The following ASTN2 variants were observed in gnomAD, a reference collection of about 807,000 sequenced individuals.
ASTN2 encodes the protein astrotactin 2.
Under a neutral mutation model 139.8 loss-of-function variants are expected in ASTN2, and 54 were observed. The observed-to-expected ratio is 0.39, with a 90% CI of 0.31 to 0.48. The LOEUF (loss-of-function observed/expected upper bound fraction) is 0.48, where lower values mean the gene tolerates loss of function less well. ASTN2 is among the 20% of genes least tolerant of loss of function. The pLI is 0.95. For missense variants in ASTN2, 1,565 were observed against 1,725.1 expected, an observed-to-expected ratio of 0.91 and a Z score of 1.64; for synonymous variants, 756 against 719.5, an observed-to-expected ratio of 1.05 and a Z score of -0.81.
intron 2 of ASTN2, among the ~76,000 whole-genome samples, chr9:117,254,296 A>G (rs139145817): frequency 6.6e-6 from 1 of 152,294 alleles, no homozygotes; most frequent in Non-Finnish European, 1.5e-5. Context: ...TACCTGCCAG[A>G]CCCAGTTCTA....
intron 13 of ASTN2, among the ~76,000 whole-genome samples, chr9:116,788,598 T>C (rs1371508727): frequency 6.6e-6 from 1 of 152,106 alleles, no homozygotes; most frequent in African/African-American, 2.4e-5. Flanking sequence ...GAGACCCAGT[T>C]ACCTCATTTA....
intron 7 of ASTN2, among the ~76,000 whole-genome samples, chr9:116,989,414 A>G (rs1007808593): frequency 2.0e-5 from 3 of 152,142 alleles, no homozygotes; most frequent in African/African-American, 7.2e-5. Context: ...GAGTGACCTC[A>G]GCCTCAATTG....
chr9:116,564,341 T>G (rs967064836), intron 19 of ASTN2, among the ~76,000 whole-genome samples: 1 of 152,138 alleles, frequency 6.6e-6, no homozygotes, highest in Non-Finnish European at 1.5e-5. Context: ...AATGATGGCA[T>G]GGCAACCCTT....
chr9:116,868,088 G>T (rs1379493660), intron 10 of ASTN2, among the ~76,000 whole-genome samples: 2 of 152,104 alleles, frequency 1.3e-5, no homozygotes, highest in African/African-American at 4.8e-5. Context: ...CTGCCCTGGG[G>T]TATCAGGATA....
intron 11 of ASTN2, among the ~76,000 whole-genome samples, chr9:116,851,043 T>C (rs1475357095): frequency 1.3e-5 from 2 of 152,212 alleles, no homozygotes; most frequent in Admixed American, 6.5e-5. Context: ...TACACAGCAG[T>C]ACTTAGTTGT....
At chr9:116,489,456 C>T (rs1376456279) in intron 19 of ASTN2, among the ~76,000 whole-genome samples, 1 of 152,138 alleles carries the variant, frequency 6.6e-6, no homozygotes, top group Non-Finnish European at 1.5e-5. Flanking sequence ...CCCACCTCAG[C>T]TTCCCAAATA....
intron 10 of ASTN2, among the ~76,000 whole-genome samples, chr9:116,889,082 C>T (rs1466962465): frequency 1.3e-5 from 2 of 152,222 alleles, no homozygotes; most frequent in Non-Finnish European, 2.9e-5. Context: ...CAGGGTTTTG[C>T]CATTTTGGCC....
At chr9:116,632,969 C>A (rs1217310049) in intron 17 of ASTN2, among the ~76,000 whole-genome samples, 1 of 152,140 alleles carries the variant, frequency 6.6e-6, no homozygotes, top group Admixed American at 6.5e-5. Context: ...GTATGAACGC[C>A]TGTTGTATGA....
chr9:116,822,056 G>A (rs907817855), intron 11 of ASTN2, among the ~76,000 whole-genome samples: 7 of 151,882 alleles, frequency 4.6e-5, no homozygotes, highest in African/African-American at 1.7e-4. Flanking sequence ...ATCCATCACC[G>A]GACATCACTG....
At chr9:117,256,328 G>C (rs1044413127) in intron 2 of ASTN2, among the ~76,000 whole-genome samples, 4 of 152,184 alleles carry the variant, frequency 2.6e-5, no homozygotes, top group African/African-American at 9.7e-5. Flanking sequence ...TCTGCAGCTG[G>C]TGCAGTCCTC....
chr9:116,545,619 G>A (rs1167388603), intron 19 of ASTN2: 2 of 152,148 alleles, frequency 1.3e-5, no homozygotes, highest in African/African-American at 4.8e-5. Context: ...AGTTTAAGAA[G>A]TTTTAGAAAC....
At chr9:117,319,377 A>G (rs1447632131) in intron 1 of ASTN2, among the ~76,000 whole-genome samples, 4 of 152,172 alleles carry the variant, frequency 2.6e-5, no homozygotes, top group Admixed American at 2.0e-4. Flanking sequence ...ACTTGACTCA[A>G]CTGTAAAATG....
At position 116,698,804 on chromosome 9, in the gene ASTN2, G is replaced by T; in HGVS notation, c.2806+26967C>A. 5 of 1,614,202 alleles carry T rather than the reference G, an allele frequency of 3.1e-6. No homozygotes were observed. Among genetic ancestry groups the T allele is most frequent in the Non-Finnish European group, 3.4e-6 (4 of 1,180,044 alleles). ...CTGAGGCAGCCTCCAATATCCAGCA[G>T]TGCCTCTTTCTCAAGAAGATGGGGG... On this transcript the variant is annotated intron_variant, in intron 16 of 22. Transcript: ENST00000313400. The surrounding 1 kb of genome is among the most constrained non-coding windows in gnomAD (Gnocchi z 4.4).
At chr9:117,195,225 T>C (rs1831465342) in intron 3 of ASTN2, among the ~76,000 whole-genome samples, 1 of 152,116 alleles carries the variant, frequency 6.6e-6, no homozygotes, top group South Asian at 2.1e-4. Context: ...AGAAATGAGA[T>C]TTAAACTGAG....
At chr9:117,125,824 T>TG (rs1209707177) in intron 4 of ASTN2, among the ~76,000 whole-genome samples, 15 of 142,842 alleles carry the variant, frequency 1.1e-4, no homozygotes, top group African/African-American at 3.4e-4. Flanking sequence ...ATCATTTCAT[T>TG]GCGGCGGGGG....
chr9:117,281,937 C>T (rs1005913066), intron 2 of ASTN2, among the ~76,000 whole-genome samples: 9 of 152,176 alleles, frequency 5.9e-5, no homozygotes, highest in African/African-American at 2.2e-4. Flanking sequence ...TTCACTCCAT[C>T]TACCTCGCTA....
chr9:117,229,243 G>C (rs752044175), intron 2 of ASTN2, among the ~76,000 whole-genome samples: 1 of 152,106 alleles, frequency 6.6e-6, no homozygotes, highest in Non-Finnish European at 1.5e-5. Context: ...TTGTAACACT[G>C]ATAACGCTCC....
intron 3 of ASTN2, among the ~76,000 whole-genome samples, chr9:117,169,375 C>T (rs759817598): frequency 3.3e-5 from 5 of 151,904 alleles, no homozygotes; most frequent in African/African-American, 4.8e-5. Flanking sequence ...TGTGTGAATC[C>T]GAAAAGAAAA....
At chr9:117,130,683 G>C (rs1178228935) in intron 4 of ASTN2, among the ~76,000 whole-genome samples, 1 of 152,206 alleles carries the variant, frequency 6.6e-6, no homozygotes, top group Non-Finnish European at 1.5e-5. Flanking sequence ...CCATATTGCT[G>C]AAAGTTTACT....
Sources: allele counts gnomAD v4.1 joint callset (sites outside exome capture counted in the v4.1 genomes callset), GRCh38; gene constraint gnomAD v4.1.1; non-coding constraint Gnocchi (gnomAD v3.1); transcripts MANE v1.5; gene names NCBI Gene and HGNC (gene_info 2026-07-23, HGNC 2026-07-21).